The following SH3GL2 variants were observed in gnomAD, a reference collection of about 807,000 sequenced individuals.
SH3GL2 encodes endophilin-A1.
A neutral mutation model predicts 46.0 loss-of-function variants in SH3GL2; 24 were observed. That is an observed-to-expected ratio of 0.52 (90% CI 0.38 to 0.73). SH3GL2 has a LOEUF of 0.73. SH3GL2 is among the 30% of genes least tolerant of loss of function. The pLI is 0.00. For synonymous variants in SH3GL2, 196 were observed against 147.1 expected, an observed-to-expected ratio of 1.33 and a Z score of -2.40; for missense variants, 413 against 424.2, an observed-to-expected ratio of 0.97 and a Z score of 0.23.
intron 1 of SH3GL2, among the ~76,000 whole-genome samples, chr9:17,679,528 G>A (rs905874290): frequency 2.0e-5 from 3 of 152,156 alleles, no homozygotes; most frequent in Admixed American, 6.5e-5. Context: ...GAGATTTTGG[G>A]CTGAGGCGAT....
intron 1 of SH3GL2, among the ~76,000 whole-genome samples, chr9:17,640,064 T>A (rs768765957): frequency 1.7e-4 from 26 of 152,146 alleles, no homozygotes; most frequent in Non-Finnish European, 3.4e-4. Context: ...GTGGGAGTTA[T>A]AAGGTTGTGT....
chr9:17,615,439 G>A (rs1173786032), intron 1 of SH3GL2, among the ~76,000 whole-genome samples: 2 of 151,996 alleles, frequency 1.3e-5, no homozygotes, highest in Admixed American at 6.6e-5. Context: ...GGCGGATCAC[G>A]AGGCCGGGAG....
intron 1 of SH3GL2, among the ~76,000 whole-genome samples, chr9:17,740,730 T>TA (rs1469384035): frequency 6.6e-6 from 1 of 152,160 alleles, no homozygotes; most frequent in Non-Finnish European, 1.5e-5. Context: ...GAAATCAGTT[T>TA]AAAATTCCAT....
chr9:17,614,900 C>G (rs568533259), intron 1 of SH3GL2, among the ~76,000 whole-genome samples: 2 of 152,296 alleles, frequency 1.3e-5, no homozygotes, highest in East Asian at 1.9e-4. Context: ...TTCACAGACT[C>G]AAGTTTCCCC....
intron 3 of SH3GL2, among the ~76,000 whole-genome samples, chr9:17,775,800 T>C (rs2209430): frequency 0.94 from 143,681 of 152,166 alleles, 67,970 homozygotes; most frequent in East Asian, 0.99. Flanking sequence ...AGTCAGAACA[T>C]AAAGATGTGA....
At chr9:17,708,021 C>T (rs7037443) in intron 1 of SH3GL2, among the ~76,000 whole-genome samples, 17,571 of 151,980 alleles carry the variant, frequency 0.12, 3,305 homozygotes, top group African/African-American at 0.4. Context: ...AAATGGAGTG[C>T]ACAAAGATAA....
chr9:17,781,440 A>T, intron 3 of SH3GL2, among the ~76,000 whole-genome samples: 1 of 147,746 alleles, frequency 6.8e-6, no homozygotes, highest in Non-Finnish European at 1.5e-5. Context: ...TTGCCTGTTC[A>T]CTCTGATGGT....
At chr9:17,589,545 A>T (rs1396400218) in intron 1 of SH3GL2, 1 of 152,282 alleles carries the variant, frequency 6.6e-6, no homozygotes, top group Non-Finnish European at 1.5e-5. Context: ...ACCTTGGAAT[A>T]GAGAGACTAC....
chr9:17,588,087 T>C (rs902068393), intron 1 of SH3GL2, among the ~76,000 whole-genome samples: 5 of 152,214 alleles, frequency 3.3e-5, no homozygotes, highest in Admixed American at 3.3e-4. Flanking sequence ...GTCTTAATGG[T>C]ACTTTGTTGC....
At chr9:17,764,068 G>C (rs1399723078) in intron 3 of SH3GL2, among the ~76,000 whole-genome samples, 1 of 152,180 alleles carries the variant, frequency 6.6e-6, no homozygotes, top group Non-Finnish European at 1.5e-5. Flanking sequence ...CTAATTGGCT[G>C]CCAATATAAT....
intron 1 of SH3GL2, among the ~76,000 whole-genome samples, chr9:17,696,148 C>A (rs1160037581): frequency 6.6e-6 from 1 of 152,120 alleles, no homozygotes; most frequent in Non-Finnish European, 1.5e-5. Flanking sequence ...GTGGGGGCAG[C>A]TGGAGGACTC....
Position 17,685,364 on chromosome 9 carries a change from C to T in SH3GL2, c.46-61702C>T, listed in dbSNP as rs571351362. Among the ~76,000 whole-genome samples the T allele has an allele frequency of 3.7e-4, 56 of 152,062 alleles. 1 individual carries two copies. Among genetic ancestry groups the T allele is most frequent in the African/African-American group, 1.1e-3 (46 of 41,486 alleles). ...GGACTTTCGGTTGATTGGATGAGGT[C>T]CCCCCACATTACTGACAATAATCTT... On this transcript the variant is annotated intron_variant, in intron 1 of 8. Coordinates refer to ENST00000380607, the MANE Select transcript of SH3GL2 (RefSeq NM_003026.5).
chr9:17,640,404 T>G (rs1267746445), intron 1 of SH3GL2, among the ~76,000 whole-genome samples: 1 of 152,210 alleles, frequency 6.6e-6, no homozygotes, highest in African/African-American at 2.4e-5. Flanking sequence ...CTTTTATTTA[T>G]TTTTCCAAGG....
intron 1 of SH3GL2, among the ~76,000 whole-genome samples, chr9:17,713,928 A>G (rs532649451): frequency 6.6e-6 from 1 of 151,694 alleles, no homozygotes; most frequent in Non-Finnish European, 1.5e-5. Context: ...TCTACTATGT[A>G]TCTGACAATT....
intron 1 of SH3GL2, among the ~76,000 whole-genome samples, chr9:17,740,367 C>G (rs1290035483): frequency 6.6e-6 from 1 of 152,036 alleles, no homozygotes; most frequent in Non-Finnish European, 1.5e-5. Context: ...ATACCACCAT[C>G]TGGAAAAACA....
intron 1 of SH3GL2, among the ~76,000 whole-genome samples, chr9:17,651,915 C>T (rs1480894814): frequency 4.6e-5 from 7 of 152,012 alleles, no homozygotes; most frequent in African/African-American, 1.4e-4. Context: ...TGGTGTGAGT[C>T]GGGGATCTTT....
Position 17,718,993 on chromosome 9 carries a change from A to G in SH3GL2, c.46-28073A>G, listed in dbSNP as rs548404912. Among the ~76,000 whole-genome samples the G allele has an allele frequency of 3.3e-5, 5 of 152,244 alleles. No homozygotes were observed. The South Asian group carries it at 1.0e-3, about 32-fold the overall frequency. ...ACTTTTTATCAGGAATTTAAATCCTAAGGTGTCATAAAGATGAGTTAAAAT... is the reference window on the plus strand; with the variant it reads ...ACTTTTTATCAGGAATTTAAATCCTGAGGTGTCATAAAGATGAGTTAAAAT... On this transcript the variant is annotated intron_variant, in intron 1 of 8. Transcript: ENST00000380607.
intron 1 of SH3GL2, among the ~76,000 whole-genome samples, chr9:17,602,185 C>T (rs1027588636): frequency 8.5e-5 from 13 of 152,054 alleles, no homozygotes; most frequent in African/African-American, 1.4e-4. Flanking sequence ...GCAGGATGCT[C>T]GTGGCATTTC....
intron 5 of SH3GL2, 96 bp downstream of exon 5, chr9:17,787,609 G>A (rs1042475148): frequency 3.4e-5 from 33 of 981,670 alleles, no homozygotes; most frequent in Middle Eastern, 2.5e-4. Flanking sequence ...CTTACCCTGT[G>A]TGTTGTCAGC....
Sources: gnomAD v4.1 joint callset for allele counts (sites outside exome capture counted in the v4.1 genomes callset) on GRCh38, gnomAD v4.1.1 for gene constraint, MANE v1.5 for transcripts, NCBI Gene and HGNC (gene_info 2026-07-23, HGNC 2026-07-21) for gene names.